The following GRAMD1C variants were observed in gnomAD, a reference collection of about 807,000 sequenced individuals.
GRAMD1C encodes the protein GRAM domain containing 1C.
Under a neutral mutation model 97.8 loss-of-function variants are expected in GRAMD1C, and 89 were observed. The ratio of observed to expected loss-of-function variants is 0.91; its 90% CI spans 0.77 to 1.09. The LOEUF (loss-of-function observed/expected upper bound fraction) is 1.09, where lower values mean the gene tolerates loss of function less well. GRAMD1C is among the 50% of genes least tolerant of loss of function. GRAMD1C has a pLI of 0.00. For synonymous variants in GRAMD1C, 256 were observed against 267.0 expected, an observed-to-expected ratio of 0.96 and a Z score of 0.40; for missense variants, 740 against 766.4, an observed-to-expected ratio of 0.97 and a Z score of 0.41.
chr3:113,869,196 T>C (rs553475020), intron 2 of GRAMD1C, among the ~76,000 whole-genome samples: 1 of 152,224 alleles, frequency 6.6e-6, no homozygotes, highest in South Asian at 2.1e-4. Flanking sequence ...TTCAGTGGAT[T>C]TTCATGAACA....
intron 6 of GRAMD1C, chr3:113,885,875 G>A: frequency 3.1e-6 from 5 of 1,612,576 alleles, no homozygotes; most frequent in Non-Finnish European, 4.2e-6. Context: ...GGGCTTACAG[G>A]AGCCATCCAG....
At chr3:113,883,920 C>T (rs909113779) in intron 6 of GRAMD1C, among the ~76,000 whole-genome samples, 21 of 152,074 alleles carry the variant, frequency 1.4e-4, no homozygotes, top group African/African-American at 3.4e-4. Context: ...TTGAGGCAGG[C>T]GGATAGCTTG....
intron 10 of GRAMD1C, among the ~76,000 whole-genome samples, chr3:113,921,033 A>G (rs187446594): frequency 6.6e-6 from 1 of 152,278 alleles, no homozygotes; most frequent in East Asian, 1.9e-4. Flanking sequence ...ATGGTACCCA[A>G]TAGGTAGTTT....
Position 113,902,020 on chromosome 3 carries a change from T to A in GRAMD1C, c.656+874T>A, listed in dbSNP as rs186007171. ...GCAAAGCATTTCTTTGTTGGGGTGATGACAATGTTCTACAATTAGTTAGTG... is the reference window on the plus strand; with the variant it reads ...GCAAAGCATTTCTTTGTTGGGGTGAAGACAATGTTCTACAATTAGTTAGTG... On this transcript the variant is annotated intron_variant, in intron 7 of 17. Coordinates refer to ENST00000358160, the MANE Select transcript of GRAMD1C (RefSeq NM_017577.5). 4.0e-3 allele frequency among the ~76,000 whole-genome samples: 610 copies of A among 152,150 alleles called. 22 individuals are homozygous for A. The highest frequency in any genetic ancestry group is 0.038 in the Admixed American group (577 of 15,290).
chr3:113,872,942 A>T (rs1428228014), intron 3 of GRAMD1C, among the ~76,000 whole-genome samples: 2 of 149,178 alleles, frequency 1.3e-5, no homozygotes, highest in Non-Finnish European at 3.0e-5. Flanking sequence ...AAAATTAGCC[A>T]GGCGTGGTGG....
intron 6 of GRAMD1C, among the ~76,000 whole-genome samples, chr3:113,891,764 A>G (rs1448212308): frequency 2.0e-5 from 3 of 151,718 alleles, no homozygotes; most frequent in South Asian, 2.1e-4. Flanking sequence ...GTGCATGCCT[A>G]TAGTCCTAGC....
chr3:113,929,506 A>C (rs1034177205), intron 10 of GRAMD1C, among the ~76,000 whole-genome samples: 1 of 152,194 alleles, frequency 6.6e-6, no homozygotes, highest in Non-Finnish European at 1.5e-5. Flanking sequence ...CAGTTTTAAG[A>C]GCAGAATTAA....
At chr3:113,940,027 C>A in intron 16 of GRAMD1C, 31 bp downstream of exon 16, 2 of 1,163,322 alleles carry the variant, frequency 1.7e-6, no homozygotes, top group Non-Finnish European at 2.6e-6. Context: ...CCTGTATTCA[C>A]CATATTATTT....
At chr3:113,932,884 T>G (rs367694613) in intron 11 of GRAMD1C, among the ~76,000 whole-genome samples, 2,889 of 31,766 alleles carry the variant, frequency 0.091, 41 homozygotes, top group Middle Eastern at 0.2. Flanking sequence ...ATTTTCTTCT[T>G]TCTTTTTTTT....
At chr3:113,833,174 G>T (rs1577107022) in intron 1 of GRAMD1C, among the ~76,000 whole-genome samples, 1 of 115,926 alleles carries the variant, frequency 8.6e-6, no homozygotes, top group Non-Finnish European at 1.7e-5. Flanking sequence ...TTTTGCTCTT[G>T]TTTCCCAGGC....
At chr3:113,886,342 A>G (rs371690174) in intron 6 of GRAMD1C, among the ~76,000 whole-genome samples, 200 of 152,326 alleles carry the variant, frequency 1.3e-3, no homozygotes, top group African/African-American at 4.5e-3. Context: ...GGCCAGAGTG[A>G]CAGACGTACG....
intron 10 of GRAMD1C, among the ~76,000 whole-genome samples, chr3:113,926,967 G>A (rs1937251353): frequency 6.6e-6 from 1 of 152,158 alleles, no homozygotes; most frequent in Admixed American, 6.5e-5. Context: ...ATTCACTGGG[G>A]TGGTGGCAGT....
chr3:113,904,825 T>G (rs996207345), intron 8 of GRAMD1C, among the ~76,000 whole-genome samples: 1 of 151,984 alleles, frequency 6.6e-6, no homozygotes. Flanking sequence ...AGCACATCAG[T>G]TTTTTGTTTT....
At chr3:113,905,777 C>T (rs1936349359) in intron 8 of GRAMD1C, among the ~76,000 whole-genome samples, 1 of 151,852 alleles carries the variant, frequency 6.6e-6, no homozygotes, top group African/African-American at 2.4e-5. Flanking sequence ...CTCACTGCAG[C>T]CTCCGCCTCC....
chr3:113,936,269 C>T lies in GRAMD1C; in HGVS notation c.1460C>T (p.Ser487Leu). ...SLEDYFKQLE[S>L]DLLIEESVLN... ...AGATTGTTTTTTTTTTTCTTAGAAT[C>T]AGATTTGTTAATTGAAGAATCTGTA... The change falls in exon 14 of 18, where the codon TCA (serine) becomes TTA (leucine). Residue 487 changes from serine to leucine, a missense_variant. Coordinates refer to ENST00000358160, the MANE Select transcript of GRAMD1C (RefSeq NM_017577.5). The T allele has an allele frequency of 1.3e-6, 2 of 1,523,424 alleles. No homozygotes were observed. The highest frequency in any genetic ancestry group is 2.3e-5 in the East Asian group (1 of 43,858). 94.4% of individuals were successfully genotyped at this position (1,523,424 alleles called of 1,614,324 possible). A position where few individuals can be genotyped will look rare whatever the true frequency, so the allele number is the denominator to read the frequency against.
At chr3:113,850,334 G>C (rs1933840956) in intron 2 of GRAMD1C, 1 of 733,422 alleles carries the variant, frequency 1.4e-6, no homozygotes. Context: ...GTTGGCACCA[G>C]GGGGCACAAA....
chr3:113,922,096 T>G (rs1390270084), intron 10 of GRAMD1C, among the ~76,000 whole-genome samples: 1 of 151,858 alleles, frequency 6.6e-6, no homozygotes, highest in Non-Finnish European at 1.5e-5. Context: ...TTTTTCGAGA[T>G]AGGGTCTCAC....
At chr3:113,852,642 T>TTG (rs1933958721) in intron 2 of GRAMD1C, among the ~76,000 whole-genome samples, 1 of 152,104 alleles carries the variant, frequency 6.6e-6, no homozygotes. Context: ...AGGGAACTGA[T>TTG]TACCAGAGTT....
chr3:113,922,297 T>C (rs112999504), intron 10 of GRAMD1C, among the ~76,000 whole-genome samples: 3,370 of 152,250 alleles, frequency 0.022, 140 homozygotes, highest in African/African-American at 0.077. Context: ...GCTCTTGAAC[T>C]CCTGAGCTCA....
Sources: gnomAD v4.1 joint callset for allele counts (sites outside exome capture counted in the v4.1 genomes callset) on GRCh38, gnomAD v4.1.1 for gene constraint, MANE v1.5 for transcripts, NCBI Gene and HGNC (gene_info 2026-07-23, HGNC 2026-07-21) for gene names.